The following CRYBG3 variants were observed in gnomAD, a reference collection of about 807,000 sequenced individuals.
CRYBG3 encodes the protein crystallin beta-gamma domain containing 3, also known as very large A-kinase anchor protein.
In CRYBG3, 127 loss-of-function variants were observed where a neutral mutation model predicts 244.2. That is an observed-to-expected ratio of 0.52 (90% CI 0.45 to 0.60). The LOEUF (loss-of-function observed/expected upper bound fraction) is 0.60, where lower values mean the gene tolerates loss of function less well. CRYBG3 is among the 20% of genes least tolerant of loss of function. The pLI is 0.00. For synonymous variants in CRYBG3, 1,132 were observed against 1,195.8 expected, an observed-to-expected ratio of 0.95 and a Z score of 1.10; for missense variants, 3,325 against 3,442.5, an observed-to-expected ratio of 0.97 and a Z score of 0.85.
At chr3:97,845,888 A>G (rs141932457) in intron 2 of CRYBG3, among the ~76,000 whole-genome samples, 4 of 152,172 alleles carry the variant, frequency 2.6e-5, no homozygotes, top group South Asian at 2.1e-4. Flanking sequence ...GTTATTCTAC[A>G]TTACTCCTAC....
At chr3:97,889,137 C>T (rs568255692) in intron 9 of CRYBG3, among the ~76,000 whole-genome samples, 1 of 152,264 alleles carries the variant, frequency 6.6e-6, no homozygotes, top group Non-Finnish European at 1.5e-5. Context: ...CTTAAGATTT[C>T]TTGCCCCATC....
chr3:97,930,035 T>C (rs2040081178), intron 17 of CRYBG3, among the ~76,000 whole-genome samples: 2 of 152,120 alleles, frequency 1.3e-5, no homozygotes, highest in Admixed American at 6.6e-5. Flanking sequence ...AGGAAAAATG[T>C]ACACAGGTCA....
intron 2 of CRYBG3, among the ~76,000 whole-genome samples, chr3:97,861,092 T>G (rs1005525469): frequency 3.9e-5 from 6 of 152,162 alleles, no homozygotes; most frequent in African/African-American, 1.4e-4. Flanking sequence ...CTCAGTTATC[T>G]GTGACCATAT....
At chr3:97,834,708 G>A (rs1476610842) in intron 1 of CRYBG3, among the ~76,000 whole-genome samples, 1 of 151,974 alleles carries the variant, frequency 6.6e-6, no homozygotes, top group Non-Finnish European at 1.5e-5. Flanking sequence ...TTCTAAGTAG[G>A]CAAATAAAAA....
At chr3:97,935,186 A>G (rs1257763563) in intron 18 of CRYBG3, among the ~76,000 whole-genome samples, 1 of 152,088 alleles carries the variant, frequency 6.6e-6, no homozygotes, top group Non-Finnish European at 1.5e-5. Context: ...GATGACAGCC[A>G]TGCTTAAATG....
At chr3:97,906,149 C>CT (rs1245266928) in intron 15 of CRYBG3, among the ~76,000 whole-genome samples, 1 of 149,054 alleles carries the variant, frequency 6.7e-6, no homozygotes, top group East Asian at 2.0e-4. Context: ...TTACTGTAGC[C>CT]TTGTAGTATC....
chr3:97,943,272 G>T lies in CRYBG3; in HGVS notation c.8871G>T (p.Leu2957=). ...DKTHVIVNQP[L]EGEETQKWDI... ...CTCATGTAATTGTAAATCAGCCCCT[G>T]GAGGGAGAAGAAACACAGAAATGGG... is the stretch of plus-strand genomic sequence containing the variant. The change falls in exon 22 of 22, where the codon CTG becomes CTT. Residue 2957 remains leucine, a synonymous_variant. Transcript: ENST00000389622. 6.3e-7 allele frequency: 1 copy of T among 1,593,764 alleles called. No homozygotes were observed. Among genetic ancestry groups the T allele is most frequent in the Non-Finnish European group, 8.6e-7 (1 of 1,163,340 alleles).
intron 2 of CRYBG3, among the ~76,000 whole-genome samples, chr3:97,846,763 C>T (rs1447528011): frequency 6.6e-6 from 1 of 152,140 alleles, no homozygotes; most frequent in Non-Finnish European, 1.5e-5. Flanking sequence ...TTGTTAGGTT[C>T]AGAGTCCCTT....
chr3:97,930,951 T>A (rs189079912), intron 17 of CRYBG3, among the ~76,000 whole-genome samples: 1 of 152,198 alleles, frequency 6.6e-6, no homozygotes, highest in African/African-American at 2.4e-5. Flanking sequence ...CAAAGTGATC[T>A]TTTTCCTCAT....
chr3:97,856,695 G>C (rs1221817987), intron 2 of CRYBG3, among the ~76,000 whole-genome samples: 2 of 151,882 alleles, frequency 1.3e-5, no homozygotes, highest in Non-Finnish European at 1.5e-5. Flanking sequence ...TTTTTTGTTT[G>C]TTGGTGTATC....
intron 17 of CRYBG3, among the ~76,000 whole-genome samples, chr3:97,916,787 TATAA>T (rs1410464335): frequency 6.6e-6 from 1 of 152,112 alleles, no homozygotes; most frequent in Non-Finnish European, 1.5e-5. Context: ...AGAACAAGAA[TATAA>T]ATAGTGTTCT....
intron 12 of CRYBG3, 59 bp downstream of exon 12, chr3:97,896,144 T>C: frequency 6.7e-7 from 1 of 1,481,732 alleles, no homozygotes; most frequent in East Asian, 2.3e-5. Flanking sequence ...TCACAAAAAT[T>C]GGACATGACT....
intron 2 of CRYBG3, among the ~76,000 whole-genome samples, chr3:97,844,218 T>A (rs985636478): frequency 1.3e-5 from 2 of 152,220 alleles, no homozygotes; most frequent in Non-Finnish European, 2.9e-5. Flanking sequence ...TTGCTTTCCT[T>A]TCTTCACTCC....
Position 97,873,718 on chromosome 3 carries a change from T to C in CRYBG3, c.2524T>C (p.Ser842Pro). ...AAAAACTATATCCTTGTCCAAGGTATCTCTTTCAAAAGTGGAGCCCAGAAA... is the reference window on the plus strand; with the variant it reads ...AAAAACTATATCCTTGTCCAAGGTACCTCTTTCAAAAGTGGAGCCCAGAAA... The part of the protein sequence containing the change: ...RGKTISLSKV[S>P]LSKVEPRNIS... The change falls in exon 4 of 22, where the codon TCT becomes CCT. Residue 842 changes from serine (S) to proline (P), a missense_variant. Around this residue, in one of 4 missense-constraint regions of CRYBG3, gnomAD observed 1,526 missense variants for 1,443.2 expected, o/e 1.06. Transcript: ENST00000389622. The C allele has an allele frequency of 6.5e-7, 1 of 1,535,956 alleles. No homozygotes were observed. The highest frequency in any genetic ancestry group is 8.7e-7 in the Non-Finnish European group (1 of 1,146,820).
At chr3:97,859,146 C>T (rs1438316735) in intron 2 of CRYBG3, among the ~76,000 whole-genome samples, 1 of 152,086 alleles carries the variant, frequency 6.6e-6, no homozygotes, top group Admixed American at 6.6e-5. Flanking sequence ...TTGCTGGGGG[C>T]AGTATCGTCA....
chr3:97,929,678 G>T (rs2040077085), intron 17 of CRYBG3, among the ~76,000 whole-genome samples: 1 of 151,876 alleles, frequency 6.6e-6, no homozygotes, highest in African/African-American at 2.4e-5. Context: ...TTTCCACGCT[G>T]GTTTATTAGC....
At chr3:97,936,940 A>G in intron 19 of CRYBG3, 32 bp downstream of exon 19, 1 of 1,598,942 alleles carries the variant, frequency 6.3e-7, no homozygotes, top group South Asian at 1.1e-5. Context: ...GATTCCAAAT[A>G]GCTTGCTTTT....
chr3:97,919,248 A>G (rs1411521903), intron 17 of CRYBG3, among the ~76,000 whole-genome samples: 1 of 152,154 alleles, frequency 6.6e-6, no homozygotes, highest in Non-Finnish European at 1.5e-5. Context: ...CTGCCTCAGA[A>G]TATGGTCCCC....
chr3:97,893,795 T>C (rs2039608476), intron 11 of CRYBG3, among the ~76,000 whole-genome samples: 1 of 152,212 alleles, frequency 6.6e-6, no homozygotes, highest in South Asian at 2.1e-4. Context: ...ATAGCTACTC[T>C]AGTAAAAGAT....
Sources: gnomAD v4.1 joint callset for allele counts (sites outside exome capture counted in the v4.1 genomes callset) on GRCh38, gnomAD v4.1.1 for gene constraint, gnomAD v4.1.1 regional missense constraint, MANE v1.5 for transcripts, NCBI Gene and HGNC (gene_info 2026-07-23, HGNC 2026-07-21) for gene names.